NRG2: variants seen among roughly 807,000 people sequenced by gnomAD.
NRG2 encodes the protein pro-neuregulin-2, membrane-bound isoform.
Under a neutral mutation model 73.9 loss-of-function variants are expected in NRG2, and 27 were observed. That is an observed-to-expected ratio of 0.37 (90% CI 0.27 to 0.50). The LOEUF is 0.50. Ranked by LOEUF, NRG2 falls within the 20% of genes least tolerant of loss-of-function variation. The probability of loss-of-function intolerance (pLI) is 0.96; values close to 1 mark genes in which losing one functional copy is unlikely to be tolerated. For synonymous variants in NRG2, 532 were observed against 541.0 expected (o/e 0.98, Z 0.23); for missense variants, 1,126 against 1,210.1 (o/e 0.93, Z 1.03).
chr5:139,931,026 C>CATTAGTCAT (rs1752433416), intron 1 of NRG2, among the ~76,000 whole-genome samples: 5 of 152,348 alleles, frequency 3.3e-5, no homozygotes, highest in Admixed American at 2.6e-4. Context: ...GAATGCTCGC[C>CATTAGTCAT]TAGTCATTCT....
chr5:139,912,276 C>A (rs1233643320), intron 1 of NRG2, among the ~76,000 whole-genome samples: 2 of 22,718 alleles, frequency 8.8e-5, no homozygotes, highest in Non-Finnish European at 1.7e-4. Context: ...AAACGAGAGG[C>A]CTTGCCCAAT....
chr5:140,016,789 CGG>C (rs1759818078), intron 1 of NRG2, among the ~76,000 whole-genome samples: 1 of 152,138 alleles, frequency 6.6e-6, no homozygotes, highest in Admixed American at 6.5e-5. Flanking sequence ...AAGAGCATCT[CGG>C]AGAGAGGGGA....
chr5:139,977,539 A>G (rs1756465125), intron 1 of NRG2, among the ~76,000 whole-genome samples: 1 of 152,198 alleles, frequency 6.6e-6, no homozygotes, highest in Non-Finnish European at 1.5e-5. Flanking sequence ...TATAGATTCA[A>G]TGCCATCCCC....
At chr5:139,885,466 G>C (rs1487542319) in intron 2 of NRG2, among the ~76,000 whole-genome samples, 1 of 152,212 alleles carries the variant, frequency 6.6e-6, no homozygotes, top group Non-Finnish European at 1.5e-5. Context: ...GATTCCAGCA[G>C]GTCAAAGAGT....
chr5:139,925,557 T>C (rs1183331134), intron 1 of NRG2, among the ~76,000 whole-genome samples: 2 of 152,196 alleles, frequency 1.3e-5, no homozygotes, highest in African/African-American at 4.8e-5. Context: ...AAATATTATC[T>C]TTGGTTTCTA....
intron 1 of NRG2, among the ~76,000 whole-genome samples, chr5:140,006,229 A>T (rs1286801928): frequency 6.6e-6 from 1 of 152,204 alleles, no homozygotes; most frequent in Non-Finnish European, 1.5e-5. Context: ...TGTGCTTTGT[A>T]GGGCTCTTGT....
intron 9 of NRG2, 31 bp from the exon 10 acceptor site, chr5:139,848,728 G>T (rs1761203937): frequency 1.6e-6 from 2 of 1,273,860 alleles, no homozygotes; most frequent in South Asian, 1.6e-5. Context: ...ATGGGCCAGG[G>T]CCAGGCCGGG....
chr5:140,040,252 C>T (rs1761812447), intron 1 of NRG2, among the ~76,000 whole-genome samples: 1 of 152,142 alleles, frequency 6.6e-6, no homozygotes, highest in Admixed American at 6.5e-5. Flanking sequence ...CTGCCATACA[C>T]ATTCCTGATC....
intron 5 of NRG2, chr5:139,859,767 T>C: frequency 3.0e-6 from 3 of 1,008,648 alleles, no homozygotes; most frequent in Non-Finnish European, 4.5e-6. Context: ...CCAGGAGAGA[T>C]TTTTGGAATC....
At chr5:139,999,070 C>A (rs1758241105) in intron 1 of NRG2, among the ~76,000 whole-genome samples, 1 of 152,142 alleles carries the variant, frequency 6.6e-6, no homozygotes, top group Non-Finnish European at 1.5e-5. Context: ...GAGGCTCAGC[C>A]AGTGGGGGAC....
chr5:139,898,829 AC>A (rs1253227603), intron 1 of NRG2, among the ~76,000 whole-genome samples: 2 of 152,158 alleles, frequency 1.3e-5, no homozygotes, highest in African/African-American at 4.8e-5. Context: ...TTGGCAGCAT[AC>A]CTTCTGGATT....
intron 1 of NRG2, among the ~76,000 whole-genome samples, chr5:139,956,186 C>T (rs1002860999): frequency 6.6e-6 from 1 of 152,114 alleles, no homozygotes; most frequent in Non-Finnish European, 1.5e-5. Context: ...TTTCTCCCTC[C>T]CTAGCTTGTA....
At chr5:139,862,649 T>C (rs1315531155) in intron 5 of NRG2, among the ~76,000 whole-genome samples, 3 of 152,262 alleles carry the variant, frequency 2.0e-5, no homozygotes, top group African/African-American at 4.8e-5. Context: ...TGTGTACAGA[T>C]GTGAGCATGA....
chr5:139,872,535 C>T (rs1056397990), intron 3 of NRG2, among the ~76,000 whole-genome samples: 3 of 152,166 alleles, frequency 2.0e-5, no homozygotes, highest in Non-Finnish European at 4.4e-5. Context: ...ACAGCCCCCT[C>T]CTCCCTGACC....
At chr5:140,018,865 T>C (rs1561756600) in intron 1 of NRG2, among the ~76,000 whole-genome samples, 1 of 152,300 alleles carries the variant, frequency 6.6e-6, no homozygotes, top group East Asian at 1.9e-4. Context: ...TCATTTACAG[T>C]GCCAGTGTTT....
At chr5:139,873,360 G>GGGAACTA (rs1334088038) in intron 3 of NRG2, among the ~76,000 whole-genome samples, 4 of 152,234 alleles carry the variant, frequency 2.6e-5, no homozygotes, top group Non-Finnish European at 5.9e-5. Context: ...GTGAGACCCA[G>GGGAACTA]GGAACTAAGA....
chr5:140,022,980 T>C (rs1428342541), intron 1 of NRG2, among the ~76,000 whole-genome samples: 1 of 152,224 alleles, frequency 6.6e-6, no homozygotes. Flanking sequence ...CACAGATTCA[T>C]GAAAGACACT....
intron 1 of NRG2, among the ~76,000 whole-genome samples, chr5:139,969,709 T>C (rs939439711): frequency 6.6e-6 from 1 of 152,216 alleles, no homozygotes. Flanking sequence ...TCAAGTATTT[T>C]AGAGTTTAGT....
In NRG2 at chr5:139,887,630, T is replaced by C. The variant is rs1484945242; in HGVS notation, c.701-119A>G. The C allele has an allele frequency of 3.7e-6, 3 of 805,694 alleles. No individual in the cohort carries two copies. The African/African-American group carries it at 5.1e-5, about 14-fold the overall frequency. 49.9% of individuals were successfully genotyped at this position (805,694 alleles called of 1,614,324 possible). On this transcript the variant is annotated intron_variant, in intron 1 of 9. Coordinates refer to ENST00000361474, the MANE Select transcript of NRG2 (RefSeq NM_004883.3). This position sits in a 1 kb window ranked among gnomAD's most constrained non-coding sequence, Gnocchi z 4.5. Reference sequence around the variant, plus strand: ...GAACTGGGGAAGGGAAGGGTGATCCTGAGAGCCACCCCTCCTAGTGTCATT... The same window carrying C: ...GAACTGGGGAAGGGAAGGGTGATCCCGAGAGCCACCCCTCCTAGTGTCATT...
Sources: gnomAD v4.1 joint callset for allele counts (sites outside exome capture counted in the v4.1 genomes callset) on GRCh38, gnomAD v4.1.1 for gene constraint, Gnocchi (gnomAD v3.1) non-coding constraint, MANE v1.5 for transcripts, NCBI Gene and HGNC (gene_info 2026-07-23, HGNC 2026-07-21) for gene names.